SOX6: variants seen among roughly 807,000 people sequenced by gnomAD.
SOX6 encodes the protein transcription factor SOX-6.
Under a neutral mutation model 97.8 loss-of-function variants are expected in SOX6, and 11 were observed. That is an observed-to-expected ratio of 0.11 (90% CI 0.07 to 0.19). SOX6 has a LOEUF of 0.19. Ranked by LOEUF, SOX6 falls within the 10% of genes least tolerant of loss-of-function variation. The pLI is 1.00. For missense variants in SOX6, 810 were observed against 1,039.5 expected, an observed-to-expected ratio of 0.78 and a Z score of 3.04; for synonymous variants, 360 against 371.4, an observed-to-expected ratio of 0.97 and a Z score of 0.35.
chr11:16,301,833 C>T (rs1001412609), intron 3 of SOX6, among the ~76,000 whole-genome samples: 2 of 152,092 alleles, frequency 1.3e-5, no homozygotes, highest in African/African-American at 4.8e-5. Context: ...GAGCCAATAT[C>T]TCTTCTAATC....
chr11:16,578,300 A>G (rs1240380494), intron 4 of SOX6, among the ~76,000 whole-genome samples: 1 of 152,188 alleles, frequency 6.6e-6, no homozygotes, highest in East Asian at 1.9e-4. Context: ...ATAATTTGAA[A>G]AGAAGATTTC....
At chr11:16,636,606 G>T (rs1848794005) in intron 3 of SOX6, among the ~76,000 whole-genome samples, 1 of 152,150 alleles carries the variant, frequency 6.6e-6, no homozygotes, top group South Asian at 2.1e-4. Context: ...TGAGATATGG[G>T]AGGGCCCGGG....
chr11:16,598,191 G>T (rs529426936), intron 4 of SOX6, among the ~76,000 whole-genome samples: 80 of 151,760 alleles, frequency 5.3e-4, no homozygotes, highest in Non-Finnish European at 9.4e-4. Flanking sequence ...TATGATATAG[G>T]TATTATTATT....
chr11:16,701,531 A>C (rs983155236), intron 3 of SOX6, among the ~76,000 whole-genome samples: 1 of 152,100 alleles, frequency 6.6e-6, no homozygotes, highest in Non-Finnish European at 1.5e-5. Context: ...TGAAGTACAA[A>C]ATAAAAATTT....
intron 3 of SOX6, among the ~76,000 whole-genome samples, chr11:16,243,231 T>C (rs746064222): frequency 6.6e-5 from 10 of 151,988 alleles, no homozygotes; most frequent in Admixed American, 2.0e-4. Context: ...AATCAACTAA[T>C]TTAACTCTAA....
At chr11:16,105,930 T>C in intron 7 of SOX6, among the ~76,000 whole-genome samples, 1 of 151,616 alleles carries the variant, frequency 6.6e-6, no homozygotes, top group East Asian at 1.9e-4. Context: ...CAAAAGAAAA[T>C]TAAGAAAACA....
intron 3 of SOX6, among the ~76,000 whole-genome samples, chr11:16,648,203 CTA>C (rs957088562): frequency 1.3e-5 from 2 of 152,156 alleles, no homozygotes; most frequent in African/African-American, 4.8e-5. Context: ...GCCTTTCCAA[CTA>C]TGTGGGAGCT....
Position 15,971,043 on chromosome 11 carries a change from T to G in SOX6, c.*1766A>C, listed in dbSNP as rs1375399090. 1 of 152,356 alleles carries G rather than the reference T, an allele frequency of 6.6e-6. No homozygotes were observed. Among genetic ancestry groups the G allele is most frequent in the Non-Finnish European group, 1.5e-5 (1 of 68,030 alleles). The allele number at this position is 152,356 out of a possible 1,614,324, so 9.4% of individuals were successfully genotyped here. On this transcript the variant is annotated 3_prime_UTR_variant, in exon 16 of 16. Transcript: ENST00000683767. ...AGTAGCATGTCTTCAAAGAAATCCT[T>G]GTGTGATAAGTGCAGTTCATTTTGT...
chr11:16,554,362 C>G (rs2133187235), intron 4 of SOX6, among the ~76,000 whole-genome samples: 1 of 152,154 alleles, frequency 6.6e-6, no homozygotes, highest in South Asian at 2.1e-4. Flanking sequence ...TCACTTTGTC[C>G]AATTAACTTA....
intron 14 of SOX6, among the ~76,000 whole-genome samples, chr11:15,988,253 G>A (rs1853930411): frequency 6.6e-6 from 1 of 152,130 alleles, no homozygotes; most frequent in Non-Finnish European, 1.5e-5. Flanking sequence ...TGTTTAACAT[G>A]TTGAGCACAA....
chr11:16,735,458 T>A (rs1255403764), intron 2 of SOX6, among the ~76,000 whole-genome samples: 1 of 152,162 alleles, frequency 6.6e-6, no homozygotes, highest in Non-Finnish European at 1.5e-5. Flanking sequence ...ATTTAATCAT[T>A]CTCCTGCCAA....
intron 3 of SOX6, among the ~76,000 whole-genome samples, chr11:16,620,449 T>C (rs552013236): frequency 6.0e-4 from 91 of 152,274 alleles, no homozygotes; most frequent in Admixed American, 6.5e-4. Flanking sequence ...AAACACACTA[T>C]AATCATCAGC....
chr11:16,118,075 C>T (rs1023243756), intron 6 of SOX6, among the ~76,000 whole-genome samples: 1 of 152,120 alleles, frequency 6.6e-6, no homozygotes, highest in Admixed American at 6.6e-5. Flanking sequence ...AAGAGCAAAA[C>T]TAGATGTGGC....
At chr11:15,995,052 G>T (rs1392820186) in intron 13 of SOX6, among the ~76,000 whole-genome samples, 8 of 152,200 alleles carry the variant, frequency 5.3e-5, no homozygotes, top group Non-Finnish European at 1.2e-4. Flanking sequence ...TTGGCTTAAT[G>T]TGTCAGAAGA....
At chr11:16,077,599 A>G (rs530257444) in intron 9 of SOX6, among the ~76,000 whole-genome samples, 3 of 152,336 alleles carry the variant, frequency 2.0e-5, no homozygotes, top group East Asian at 1.9e-4. Flanking sequence ...AATGTGGTAC[A>G]TAGACACCAT....
chr11:16,420,410 A>C (rs1333859213), intron 1 of SOX6, among the ~76,000 whole-genome samples: 1 of 152,146 alleles, frequency 6.6e-6, no homozygotes. Context: ...AAAATAAGTA[A>C]AAATGTGTAT....
At chr11:16,134,576 T>G (rs1173129034) in intron 6 of SOX6, among the ~76,000 whole-genome samples, 1 of 152,234 alleles carries the variant, frequency 6.6e-6, no homozygotes, top group Non-Finnish European at 1.5e-5. Context: ...CTCACTTTGT[T>G]TCTTTGTGTT....
At chr11:16,302,925 T>G (rs781406254) in intron 3 of SOX6, among the ~76,000 whole-genome samples, 1 of 152,126 alleles carries the variant, frequency 6.6e-6, no homozygotes, top group African/African-American at 2.4e-5. Flanking sequence ...ATTGTACTTA[T>G]GATAATTACC....
At chr11:16,649,445 G>A (rs560978198) in intron 3 of SOX6, among the ~76,000 whole-genome samples, 80 of 152,258 alleles carry the variant, frequency 5.3e-4, no homozygotes, top group African/African-American at 1.9e-3. Context: ...TACAAAGCCA[G>A]AAAGAATTGA....
Sources: gnomAD v4.1 joint callset for allele counts (sites outside exome capture counted in the v4.1 genomes callset) on GRCh38, gnomAD v4.1.1 for gene constraint, MANE v1.5 for transcripts, NCBI Gene and HGNC (gene_info 2026-07-23, HGNC 2026-07-21) for gene names.